The following ZNF609 variants were observed in gnomAD, a reference collection of about 807,000 sequenced individuals.
The protein encoded by ZNF609 is zinc finger protein 609.
ZNF609 carries 11 observed loss-of-function variants against 109.5 expected under a neutral mutation model. The observed-to-expected ratio is 0.10, with a 90% CI of 0.06 to 0.17. The LOEUF (loss-of-function observed/expected upper bound fraction) is 0.17. Among genes scored for constraint, ZNF609 ranks in the 10% least tolerant of loss-of-function variants. ZNF609 has a pLI of 1.00. For missense variants in ZNF609, 1,559 were observed against 1,772.4 expected (o/e 0.88, Z 2.16); for synonymous variants, 646 against 662.0 (o/e 0.98, Z 0.37).
intron 2 of ZNF609, among the ~76,000 whole-genome samples, chr15:64,530,692 T>C (rs573037085): frequency 7.1e-4 from 108 of 152,306 alleles, no homozygotes; most frequent in Non-Finnish European, 1.3e-3. Flanking sequence ...TAAACAGTTG[T>C]TGAGTTTGAA....
intron 1 of ZNF609, among the ~76,000 whole-genome samples, chr15:64,463,553 A>T (rs866551873): frequency 2.0e-5 from 3 of 152,246 alleles, no homozygotes; most frequent in Non-Finnish European, 1.5e-5. Flanking sequence ...ATCATTTCCC[A>T]TAGGATAGTG....
chr15:64,646,649 A>C (rs1397605628), intron 3 of ZNF609, among the ~76,000 whole-genome samples: 2 of 146,964 alleles, frequency 1.4e-5, no homozygotes, highest in Non-Finnish European at 1.5e-5. Flanking sequence ...AAAAAAAAAA[A>C]AAAAAAAAAC....
chr15:64,505,622 C>G (rs187413108), intron 2 of ZNF609, among the ~76,000 whole-genome samples: 6 of 152,282 alleles, frequency 3.9e-5, no homozygotes, highest in Admixed American at 2.0e-4. Context: ...AAACCATGTA[C>G]ATCACCAGAG....
intron 4 of ZNF609, among the ~76,000 whole-genome samples, chr15:64,672,714 T>G (rs1191391656): frequency 1.4e-5 from 2 of 145,678 alleles, no homozygotes; most frequent in African/African-American, 5.1e-5. Context: ...GCCTGTAATC[T>G]CAGCACTTTG....
chr15:64,555,158 A>C (rs1894558296), intron 2 of ZNF609, among the ~76,000 whole-genome samples: 1 of 151,696 alleles, frequency 6.6e-6, no homozygotes, highest in Admixed American at 6.6e-5. Context: ...TGAGCCCAGG[A>C]GTTCAAGACT....
intron 2 of ZNF609, among the ~76,000 whole-genome samples, chr15:64,527,097 G>A (rs1442976441): frequency 6.6e-6 from 1 of 151,858 alleles, no homozygotes; most frequent in African/African-American, 2.4e-5. Flanking sequence ...AAGATTGAGA[G>A]CACCTAGCTT....
chr15:64,528,790 G>C (rs574357862), intron 2 of ZNF609: 3 of 825,910 alleles, frequency 3.6e-6, no homozygotes, highest in Admixed American at 1.8e-5. Context: ...CCCCAGCATC[G>C]AAGGTAGAAG....
At chr15:64,602,459 C>T (rs181230145) in intron 2 of ZNF609, among the ~76,000 whole-genome samples, 7 of 152,216 alleles carry the variant, frequency 4.6e-5, no homozygotes, top group Admixed American at 2.0e-4. Context: ...GTGAAATGCA[C>T]ATAAAATGCT....
rs759590758 is a variant in ZNF609, at chr15:64,499,842, G to C, written c.423G>C (p.Lys141Asn). 1.9e-6 allele frequency: 3 copies of C among 1,614,072 alleles called. No individual in the cohort carries two copies. Among genetic ancestry groups the C allele is most frequent in the South Asian group, 1.1e-5 (1 of 91,074 alleles). The change falls in exon 2 of 10, where the codon AAG (lysine) becomes AAC (asparagine). Residue 141 changes from lysine (K) to asparagine (N), a missense_variant. Transcript: ENST00000326648. The part of the protein sequence containing the change: ...AGGLVAAIAP[K>N]GSEKAAKASR... The stretch of plus-strand genomic sequence containing the variant: ...GCCTGGTTGCTGCTATTGCTCCCAA[G>C]GGCTCAGAGAAGGCGGCTAAGGCAT...
intron 1 of ZNF609, among the ~76,000 whole-genome samples, chr15:64,479,962 C>G (rs1354948889): frequency 7.0e-6 from 1 of 142,584 alleles, no homozygotes; most frequent in Non-Finnish European, 1.5e-5. Flanking sequence ...TGGCCAGGAG[C>G]AGTGGCTCAC....
intron 2 of ZNF609, among the ~76,000 whole-genome samples, chr15:64,532,208 A>G (rs2140372644): frequency 6.6e-6 from 1 of 152,316 alleles, no homozygotes; most frequent in East Asian, 1.9e-4. Context: ...GTCTTCACTC[A>G]AATGTCAACC....
intron 2 of ZNF609, 71 bp from the exon 3 acceptor site, chr15:64,622,756 A>T: frequency 3.0e-6 from 4 of 1,327,064 alleles, no homozygotes; most frequent in Non-Finnish European, 2.2e-6. Flanking sequence ...GGACTAGATT[A>T]AATACAGAAA....
intron 2 of ZNF609, among the ~76,000 whole-genome samples, chr15:64,587,859 C>G (rs907663007): frequency 1.3e-5 from 2 of 151,964 alleles, no homozygotes; most frequent in South Asian, 2.1e-4. Flanking sequence ...AGCAGAGTCT[C>G]TAAAGAAGTT....
At chr15:64,509,860 G>A (rs1288283750) in intron 2 of ZNF609, among the ~76,000 whole-genome samples, 2 of 152,208 alleles carry the variant, frequency 1.3e-5, no homozygotes. Flanking sequence ...GTAAGGTACA[G>A]ACTAGTCTTT....
intron 2 of ZNF609, among the ~76,000 whole-genome samples, chr15:64,508,249 A>T (rs1410194575): frequency 6.6e-6 from 1 of 152,190 alleles, no homozygotes; most frequent in Middle Eastern, 3.2e-3. Context: ...AAAGCAATCT[A>T]CTTTTCTTTT....
chr15:64,564,843 G>GC lies in ZNF609; in HGVS notation c.748-57984_748-57983insC, dbSNP rs766416047. 4.4e-3 allele frequency among the ~76,000 whole-genome samples: 604 copies of GC among 138,438 alleles called. 1 individual carries two copies. The highest frequency in any genetic ancestry group is 0.012 in the African/African-American group (460 of 37,956). 90.8% of individuals were successfully genotyped at this position (138,438 alleles called of 152,430 possible). A position where few individuals can be genotyped will look rare whatever the true frequency, so the allele number is the denominator to read the frequency against. On this transcript the variant is annotated intron_variant, in intron 2 of 9. Transcript: ENST00000326648. ...TTGTTATACACATTGCTCACTAACT[G>GC]TTTTTTTTTTTTTTTCTTTTTAGAA...
chr15:64,500,700 G>A (rs1464141467), intron 2 of ZNF609: 2 of 428,948 alleles, frequency 4.7e-6, no homozygotes, highest in Middle Eastern at 6.3e-4. Context: ...AAAGAGCGAA[G>A]GGGCACATTT....
intron 1 of ZNF609, among the ~76,000 whole-genome samples, chr15:64,483,354 A>G (rs1327946939): frequency 6.6e-6 from 1 of 151,712 alleles, no homozygotes; most frequent in African/African-American, 2.4e-5. Context: ...TCAGCCTCCC[A>G]AAGTGCTGGG....
chr15:64,631,006 A>G, intron 3 of ZNF609: 1 of 249,258 alleles, frequency 4.0e-6, no homozygotes, highest in South Asian at 6.0e-5. Context: ...GACACAATTA[A>G]AATTTGCTTT....
Sources: allele counts gnomAD v4.1 joint callset (sites outside exome capture counted in the v4.1 genomes callset), GRCh38; gene constraint gnomAD v4.1.1; transcripts MANE v1.5; gene names NCBI Gene and HGNC (gene_info 2026-07-23, HGNC 2026-07-21).